Variants in MAPKAP1 observed in about 807,000 individuals in gnomAD.
The protein encoded by MAPKAP1 is MAPK associated protein 1.
In MAPKAP1, 20 loss-of-function variants were observed where a neutral mutation model predicts 65.7. That is an observed-to-expected ratio of 0.30 (90% confidence interval 0.21 to 0.44). The LOEUF is 0.44. Among genes scored for constraint, MAPKAP1 ranks in the 20% least tolerant of loss-of-function variants. The probability of loss-of-function intolerance (pLI) is 1.00; values close to 1 mark genes in which losing one functional copy is unlikely to be tolerated. For missense variants in MAPKAP1, 423 were observed against 648.0 expected, an observed-to-expected ratio of 0.65 and a Z score of 3.77; for synonymous variants, 222 against 244.3, an observed-to-expected ratio of 0.91 and a Z score of 0.85.
chr9:125,691,683 G>GA (rs888575752), intron 1 of MAPKAP1, among the ~76,000 whole-genome samples: 42 of 145,714 alleles, frequency 2.9e-4, no homozygotes, highest in East Asian at 5.9e-4. Flanking sequence ...ACAGAAGCTG[G>GA]AAAAAAAAAA....
rs1021867623 is a variant in MAPKAP1, at chr9:125,667,481, A to C, written c.349+2337T>G. 1.3e-4 allele frequency among the ~76,000 whole-genome samples: 3 copies of C among 23,972 alleles called. No individual in the cohort carries two copies. The Non-Finnish European group carries it at 4.7e-3, about 38-fold the overall frequency. 15.7% of individuals were successfully genotyped at this position (23,972 alleles called of 152,430 possible). On this transcript the variant is annotated intron_variant, in intron 3 of 11. Transcript: ENST00000265960. The stretch of plus-strand genomic sequence containing the variant: ...ATTACAGGCGCACACCACCATGCCC[A>C]GCTAATTTATATTTTTAGTTGAGAC...
chr9:125,565,796 G>GT, intron 5 of MAPKAP1: 3 of 389,344 alleles, frequency 7.7e-6, no homozygotes, highest in South Asian at 6.0e-5. Context: ...CAGAGATGTT[G>GT]TAAGGAATAA....
chr9:125,483,048 C>T lies in MAPKAP1; in HGVS notation c.1207+1395G>A, dbSNP rs117075008. ...CGAGCAGGGTTTGTACCTGGGCCTC[C>T]GACTCCTGAGTGAGCCCTCTGAGCA... On this transcript the variant is annotated intron_variant, in intron 9 of 11. Coordinates refer to ENST00000265960, the MANE Select transcript of MAPKAP1 (RefSeq NM_001006617.3). Among the ~76,000 whole-genome samples, 319 of 152,276 alleles carry T rather than the reference C, an allele frequency of 2.1e-3. 4 individuals carry two copies. The East Asian group carries it at 0.059, about 28-fold the overall frequency.
chr9:125,576,303 G>A (rs767633187), intron 5 of MAPKAP1, among the ~76,000 whole-genome samples: 2 of 152,158 alleles, frequency 1.3e-5, no homozygotes, highest in Non-Finnish European at 2.9e-5. Flanking sequence ...AATAATATTG[G>A]TTCATCAACT....
At chr9:125,456,929 A>G (rs550079459) in intron 10 of MAPKAP1, among the ~76,000 whole-genome samples, 62 of 152,292 alleles carry the variant, frequency 4.1e-4, no homozygotes, top group African/African-American at 1.5e-3. Context: ...GTTTTGTGGC[A>G]ATAGATAAGT....
chr9:125,590,137 T>C (rs1224662323), intron 4 of MAPKAP1, among the ~76,000 whole-genome samples: 1 of 152,192 alleles, frequency 6.6e-6, no homozygotes, highest in Non-Finnish European at 1.5e-5. Context: ...TAAGGAGCTA[T>C]AGGATTCACA....
intron 4 of MAPKAP1, among the ~76,000 whole-genome samples, chr9:125,603,857 G>A (rs978951281): frequency 6.6e-6 from 1 of 151,962 alleles, no homozygotes; most frequent in Non-Finnish European, 1.5e-5. Flanking sequence ...CCTGCCCCGA[G>A]AGGTGGGCAA....
At chr9:125,590,618 C>T (rs1831929239) in intron 4 of MAPKAP1, among the ~76,000 whole-genome samples, 1 of 151,742 alleles carries the variant, frequency 6.6e-6, no homozygotes, top group Non-Finnish European at 1.5e-5. Context: ...CCACTGCACT[C>T]CAGCCCGGGC....
chr9:125,591,943 C>T lies in MAPKAP1; in HGVS notation c.499-6216G>A, dbSNP rs141192272. 7.4e-3 allele frequency among the ~76,000 whole-genome samples: 1,126 copies of T among 152,302 alleles called. 18 individuals carry two copies. Among genetic ancestry groups the T allele is most frequent in the African/African-American group, 0.025 (1,049 of 41,558 alleles). ...TACAGTTTCACTGCATGGCAATTTACGTGTTCCACCATACAGGACTGGGGA... is the reference window on the plus strand; with the variant it reads ...TACAGTTTCACTGCATGGCAATTTATGTGTTCCACCATACAGGACTGGGGA... On this transcript the variant is annotated intron_variant, in intron 4 of 11. Transcript: ENST00000265960.
At chr9:125,673,056 T>A (rs1023567486) in intron 1 of MAPKAP1, among the ~76,000 whole-genome samples, 11 of 152,236 alleles carry the variant, frequency 7.2e-5, no homozygotes, top group African/African-American at 2.7e-4. Flanking sequence ...TACAAAACTC[T>A]ATTTCATCAG....
intron 6 of MAPKAP1, among the ~76,000 whole-genome samples, chr9:125,549,611 A>G (rs1830526949): frequency 6.6e-6 from 1 of 152,200 alleles, no homozygotes; most frequent in Admixed American, 6.5e-5. Context: ...TTTTCCAAAA[A>G]CATAACTCGC....
At chr9:125,596,735 G>C in intron 4 of MAPKAP1, 1 of 506,942 alleles carries the variant, frequency 2.0e-6, no homozygotes, top group Non-Finnish European at 3.8e-6. Context: ...GTGGTGGCAA[G>C]GCCTAGCTGC....
At chr9:125,558,729 T>G (rs1255309452) in intron 6 of MAPKAP1, among the ~76,000 whole-genome samples, 1 of 152,202 alleles carries the variant, frequency 6.6e-6, no homozygotes, top group Non-Finnish European at 1.5e-5. Flanking sequence ...AAAATCCAAA[T>G]GCAGCAGGTT....
intron 7 of MAPKAP1, among the ~76,000 whole-genome samples, chr9:125,528,637 A>T (rs1378729025): frequency 1.3e-5 from 2 of 149,982 alleles, no homozygotes; most frequent in East Asian, 4.0e-4. Context: ...TCACGAGGTC[A>T]GGAGTTCGAG....
intron 8 of MAPKAP1, among the ~76,000 whole-genome samples, chr9:125,491,682 G>A (rs1300683259): frequency 3.3e-5 from 5 of 151,868 alleles, no homozygotes; most frequent in African/African-American, 9.7e-5. Flanking sequence ...TGGGGAAGCC[G>A]AGGTGGGAGG....
intron 10 of MAPKAP1, among the ~76,000 whole-genome samples, chr9:125,449,727 A>G (rs1564514739): frequency 6.6e-6 from 1 of 152,192 alleles, no homozygotes; most frequent in South Asian, 2.1e-4. Context: ...GATTCTAACT[A>G]AAACAGGAGG....
chr9:125,614,730 A>G (rs1195016188), intron 4 of MAPKAP1, among the ~76,000 whole-genome samples: 1 of 152,208 alleles, frequency 6.6e-6, no homozygotes, highest in African/African-American at 2.4e-5. Flanking sequence ...TTGAATGTAC[A>G]TGATTTAAAA....
chr9:125,552,350 A>G (rs1207189913), intron 6 of MAPKAP1, among the ~76,000 whole-genome samples: 1 of 152,216 alleles, frequency 6.6e-6, no homozygotes, highest in Non-Finnish European at 1.5e-5. Flanking sequence ...CTGATTTAGT[A>G]AGAACATCAG....
chr9:125,681,414 GC>G (rs1026283217), intron 1 of MAPKAP1, among the ~76,000 whole-genome samples: 1 of 152,200 alleles, frequency 6.6e-6, no homozygotes, highest in Non-Finnish European at 1.5e-5. Flanking sequence ...TCCTGCTGAG[GC>G]CCCATGAGTG....
Sources: allele counts gnomAD v4.1 joint callset (sites outside exome capture counted in the v4.1 genomes callset), GRCh38; gene constraint gnomAD v4.1.1; transcripts MANE v1.5; gene names NCBI Gene and HGNC (gene_info 2026-07-23, HGNC 2026-07-21).